FIGN: variants seen among roughly 807,000 people sequenced by gnomAD.
The protein encoded by FIGN is fidgetin, microtubule severing factor, also known as fidgetin.
FIGN carries 11 observed loss-of-function variants against 51.3 expected under a neutral mutation model. That is an observed-to-expected ratio of 0.21 (90% CI 0.13 to 0.35). FIGN has a LOEUF of 0.35. FIGN is among the 10% of genes least tolerant of loss of function. FIGN has a pLI of 1.00. For missense variants in FIGN, 857 were observed against 943.6 expected (o/e 0.91, Z 1.20); for synonymous variants, 407 against 363.2 (o/e 1.12, Z -1.37).
In FIGN at chr2:163,609,450, T is replaced by G; in HGVS notation, c.*102A>C. On this transcript the variant is annotated 3_prime_UTR_variant, in exon 3 of 3. Transcript: ENST00000333129. ...TTAATCGTCATCTTCCCCAGTACCC[T>G]TTGCAATTTAAACTCTACTGGAAAG... 1 of 998,760 alleles carries G rather than the reference T, an allele frequency of 1.0e-6. No homozygotes were observed. Among genetic ancestry groups the G allele is most frequent in the Non-Finnish European group, 1.5e-6 (1 of 687,556 alleles). 61.9% of individuals were successfully genotyped at this position (998,760 alleles called of 1,614,324 possible).
Position 163,670,135 on chromosome 2 carries a change from G to A in FIGN, c.26-58329C>T, listed in dbSNP as rs550852744. ...AGCAAAACTAGAGTGATCTGCTTGG[G>A]TACATCACAATAACTATAATGATAT... On this transcript the variant is annotated intron_variant, in intron 2 of 2. Coordinates refer to ENST00000333129, the MANE Select transcript of FIGN (RefSeq NM_018086.4). 1.9e-4 allele frequency among the ~76,000 whole-genome samples: 29 copies of A among 152,164 alleles called. 2 individuals are homozygous for A. In the South Asian group the frequency reaches 5.6e-3, roughly 29 times the overall value.
intron 2 of FIGN, among the ~76,000 whole-genome samples, chr2:163,664,985 G>A (rs193203543): frequency 3.7e-4 from 55 of 148,378 alleles, no homozygotes; most frequent in African/African-American, 1.3e-3. Flanking sequence ...ATGGGCTGGT[G>A]AAATGAACTA....
rs755526237 is a variant in FIGN, at chr2:163,610,178, C to T, written c.1654G>A (p.Gly552Ser). The T allele has an allele frequency of 2.5e-5, 41 of 1,613,966 alleles. No individual in the cohort carries two copies. Among genetic ancestry groups the T allele is most frequent in the East Asian group, 1.3e-4 (6 of 44,864 alleles). The change falls in exon 3 of 3, where the codon GGT becomes AGT. Residue 552 changes from glycine (G) to serine (S), a missense_variant. By Grantham distance (56) the Gly-to-Ser change is moderately conservative. Coordinates refer to ENST00000333129, the MANE Select transcript of FIGN (RefSeq NM_018086.4). ...QLGATFFKIA[G>S]SGLVAKWLGE... Reference sequence around the variant, plus strand: ...AACCACTTGGCGACTAGTCCAGAACCGGCAATTTTGAAAAATGTGGCCCCC... The same window carrying T: ...AACCACTTGGCGACTAGTCCAGAACTGGCAATTTTGAAAAATGTGGCCCCC...
At chr2:163,678,136 C>T (rs1684003869) in intron 2 of FIGN, among the ~76,000 whole-genome samples, 1 of 152,178 alleles carries the variant, frequency 6.6e-6, no homozygotes, top group Non-Finnish European at 1.5e-5. Context: ...ATTCGAATTT[C>T]CTTAGTTGTT....
At position 163,611,519 on chromosome 2, in the gene FIGN, C is replaced by T. The variant is rs367851778; in HGVS notation, c.313G>A (p.Glu105Lys). ...AAGGAAGGCTGCCAGGGTTCACTTT[C>T]ATTTTTCCGACCGTTCACTAGTCCT... The part of the protein sequence containing the change: ...PSGLVNGRKN[E>K]SEPWQPSLNS... The change falls in exon 3 of 3, where the codon GAA becomes AAA. Residue 105 changes from glutamate (E) to lysine (K), a missense_variant. Physicochemically the swap from Glu to Lys is moderately conservative, Grantham distance 56. Transcript: ENST00000333129. 6.2e-7 allele frequency: 1 copy of T among 1,614,214 alleles called. No homozygotes were observed. The highest frequency in any genetic ancestry group is 8.5e-7 in the Non-Finnish European group (1 of 1,180,034).
rs935415779 is a variant in FIGN at position 163,609,450 on chromosome 2, T to C, written c.*102A>G. 2 of 998,760 alleles carry C rather than the reference T, an allele frequency of 2.0e-6. No homozygotes were observed. 61.9% of individuals were successfully genotyped at this position (998,760 alleles called of 1,614,324 possible). A position where few individuals can be genotyped will look rare whatever the true frequency, so the allele number is the denominator to read the frequency against. On this transcript the variant is annotated 3_prime_UTR_variant, in exon 3 of 3. Transcript: ENST00000333129. ...TTAATCGTCATCTTCCCCAGTACCC[T>C]TTGCAATTTAAACTCTACTGGAAAG... is the stretch of plus-strand genomic sequence containing the variant.
At chr2:163,724,985 C>T (rs1290147380) in intron 2 of FIGN, among the ~76,000 whole-genome samples, 2 of 152,084 alleles carry the variant, frequency 1.3e-5, no homozygotes, top group Non-Finnish European at 2.9e-5. Context: ...TTGCCAATAT[C>T]ATTCTGTGTA....
chr2:163,721,234 A>C (rs2105363121), intron 2 of FIGN, among the ~76,000 whole-genome samples: 1 of 152,278 alleles, frequency 6.6e-6, no homozygotes, highest in East Asian at 1.9e-4. Context: ...CTGATTATAA[A>C]CCAAGTAGAA....
chr2:163,701,348 C>T (rs1261733798), intron 2 of FIGN, among the ~76,000 whole-genome samples: 1 of 152,176 alleles, frequency 6.6e-6, no homozygotes, highest in South Asian at 2.1e-4. Flanking sequence ...TACGTATTAT[C>T]ATCTTTACCA....
intron 2 of FIGN, among the ~76,000 whole-genome samples, chr2:163,731,880 T>C (rs966278313): frequency 2.6e-5 from 4 of 152,156 alleles, no homozygotes; most frequent in African/African-American, 7.2e-5. Flanking sequence ...TATGATTCTT[T>C]CATTTCAGAC....
intron 2 of FIGN, among the ~76,000 whole-genome samples, chr2:163,637,724 A>G (rs1347466053): frequency 6.6e-6 from 1 of 152,144 alleles, no homozygotes; most frequent in East Asian, 1.9e-4. Context: ...ACATGCACAT[A>G]AGGCTTTAAA....
At chr2:163,689,670 T>A (rs1432995891) in intron 2 of FIGN, among the ~76,000 whole-genome samples, 1 of 152,142 alleles carries the variant, frequency 6.6e-6, no homozygotes. Flanking sequence ...TTAGAAGCAA[T>A]TTCCATTTTG....
chr2:163,627,439 T>C (rs1212398860), intron 2 of FIGN, among the ~76,000 whole-genome samples: 1 of 152,078 alleles, frequency 6.6e-6, no homozygotes, highest in East Asian at 1.9e-4. Flanking sequence ...CATATGATCA[T>C]ATAAATCAAG....
intron 2 of FIGN, among the ~76,000 whole-genome samples, chr2:163,697,383 G>C (rs1684338963): frequency 1.3e-5 from 2 of 152,186 alleles, no homozygotes; most frequent in East Asian, 3.9e-4. Flanking sequence ...TTGCAGGCAT[G>C]AGCCACCACA....
intron 2 of FIGN, among the ~76,000 whole-genome samples, chr2:163,673,134 C>T (rs6726107): frequency 1.8e-3 from 280 of 152,048 alleles, no homozygotes; most frequent in African/African-American, 5.9e-3. Context: ...AGAAGGGATG[C>T]CAGTAGGAAG....
rs1361228144 is a variant in FIGN, at chr2:163,606,032, C to T, written c.*3520G>A. 1 of 151,818 alleles carries T rather than the reference C, an allele frequency of 6.6e-6. No homozygotes were observed. The highest frequency in any genetic ancestry group is 1.5e-5 in the Non-Finnish European group (1 of 67,972). 9.4% of individuals were successfully genotyped at this position (151,818 alleles called of 1,614,324 possible). On this transcript the variant is annotated 3_prime_UTR_variant, in exon 3 of 3. Coordinates refer to ENST00000333129, the MANE Select transcript of FIGN (RefSeq NM_018086.4). The stretch of plus-strand genomic sequence containing the variant: ...ATCACTTTCCCAGATGGTGTTTGGC[C>T]TATGTATTTTAGTGGAATGGTTTAT...
At chr2:163,689,715 T>C (rs1684209302) in intron 2 of FIGN, among the ~76,000 whole-genome samples, 2 of 152,140 alleles carry the variant, frequency 1.3e-5, no homozygotes. Flanking sequence ...CTGAAGCAGT[T>C]AGGCAACATA....
Position 163,658,362 on chromosome 2 carries a change from C to G in FIGN, c.26-46556G>C, listed in dbSNP as rs1683595304. On this transcript the variant is annotated intron_variant, in intron 2 of 2. Transcript: ENST00000333129. ...GTTATCAGCGAATCTTCTTAAGAAA[C>G]AGCTCTCTCTCTCTCTCTCTCTCTC... Among the ~76,000 whole-genome samples, 3 of 111,212 alleles carry G rather than the reference C, an allele frequency of 2.7e-5. No homozygotes were observed. In the Admixed American group the frequency reaches 3.1e-4, roughly 11 times the overall value. The allele number at this position is 111,212 out of a possible 152,430, so 73.0% of individuals were successfully genotyped here.
intron 2 of FIGN, among the ~76,000 whole-genome samples, chr2:163,727,452 T>C (rs1684855059): frequency 6.6e-6 from 1 of 152,116 alleles, no homozygotes; most frequent in South Asian, 2.1e-4. Flanking sequence ...TTATAATAGT[T>C]ATTTCCCAGC....
Sources: gnomAD v4.1 joint callset for allele counts (sites outside exome capture counted in the v4.1 genomes callset) on GRCh38, gnomAD v4.1.1 for gene constraint, MANE v1.5 for transcripts, NCBI Gene and HGNC (gene_info 2026-07-23, HGNC 2026-07-21) for gene names.